The following CTNNA2 variants were observed in gnomAD, a reference collection of about 807,000 sequenced individuals.
The protein encoded by CTNNA2 is catenin alpha 2.
CTNNA2 carries 42 observed loss-of-function variants against 101.0 expected under a neutral mutation model. The observed-to-expected ratio is 0.42, with a 90% CI of 0.32 to 0.54. The LOEUF (loss-of-function observed/expected upper bound fraction) is 0.54. Among genes scored for constraint, CTNNA2 ranks in the 20% least tolerant of loss-of-function variants. The pLI is 0.14. For missense variants in CTNNA2, 871 were observed against 1,223.1 expected, an observed-to-expected ratio of 0.71 and a Z score of 4.29; for synonymous variants, 450 against 456.4, an observed-to-expected ratio of 0.99 and a Z score of 0.18.
At chr2:80,309,106 A>T (rs1270379129) in intron 7 of CTNNA2, among the ~76,000 whole-genome samples, 1 of 151,972 alleles carries the variant, frequency 6.6e-6, no homozygotes, top group Non-Finnish European at 1.5e-5. Flanking sequence ...GGAAAAAAGA[A>T]AAAAAAGAGA....
At chr2:79,688,271 G>C (rs1170024518) in intron 2 of CTNNA2, among the ~76,000 whole-genome samples, 1 of 152,004 alleles carries the variant, frequency 6.6e-6, no homozygotes. Context: ...ACGAGTGCCA[G>C]TAGAACAAAC....
chr2:79,391,749 C>CTGA (rs770880955), intron 4 of CTNNA2, among the ~76,000 whole-genome samples: 2 of 152,162 alleles, frequency 1.3e-5, no homozygotes, highest in Admixed American at 6.6e-5. Flanking sequence ...ACCCAGCAAT[C>CTGA]TGATTGTCCT....
At position 80,123,449 on chromosome 2, in the gene CTNNA2, A is replaced by G. The variant is rs1223094205; in HGVS notation, c.1056+213652A>G. Reference sequence around the variant, plus strand: ...ACATTTGAATTGTTAGTGGTGCAGAAAAAAAAAAAAAAATACTCCAGGCCT... The same window carrying G: ...ACATTTGAATTGTTAGTGGTGCAGAGAAAAAAAAAAAAATACTCCAGGCCT... On this transcript the variant is annotated intron_variant, in intron 7 of 18. Coordinates refer to ENST00000402739, the MANE Select transcript of CTNNA2 (RefSeq NM_001282597.3). Among the ~76,000 whole-genome samples the G allele has an allele frequency of 3.2e-5, 4 of 124,476 alleles. No individual in the cohort carries two copies. In the East Asian group the frequency reaches 7.0e-4, roughly 22 times the overall value. 81.7% of individuals were successfully genotyped at this position (124,476 alleles called of 152,430 possible).
chr2:79,677,035 T>TC (rs1683232915), intron 2 of CTNNA2, among the ~76,000 whole-genome samples: 1 of 152,100 alleles, frequency 6.6e-6, no homozygotes, highest in African/African-American at 2.4e-5. Context: ...GCTCAAGTGA[T>TC]CCTCCCACCT....
chr2:80,308,156 A>AT (rs140398282), intron 7 of CTNNA2, among the ~76,000 whole-genome samples: 44 of 149,766 alleles, frequency 2.9e-4, no homozygotes, highest in African/African-American at 3.9e-4. Context: ...GTAACATACA[A>AT]TTTTTTTTTT....
At chr2:79,329,699 GTC>G (rs1676827321) in intron 3 of CTNNA2, among the ~76,000 whole-genome samples, 1 of 152,112 alleles carries the variant, frequency 6.6e-6, no homozygotes, top group African/African-American at 2.4e-5. Flanking sequence ...CCTGGAGGAT[GTC>G]TCTGTGTTCT....
chr2:80,585,796 T>A (rs1007141623), intron 14 of CTNNA2, among the ~76,000 whole-genome samples: 4 of 152,342 alleles, frequency 2.6e-5, no homozygotes, highest in Non-Finnish European at 5.9e-5. Context: ...AACCTTTTTT[T>A]AAATTCCAGT....
chr2:80,247,717 C>G (rs75216345), intron 7 of CTNNA2, among the ~76,000 whole-genome samples: 2,028 of 152,248 alleles, frequency 0.013, 53 homozygotes, highest in African/African-American at 0.045. Flanking sequence ...GTCCAACTTT[C>G]AGATCCCTTC....
chr2:79,980,168 T>G (rs116051104), intron 7 of CTNNA2, among the ~76,000 whole-genome samples: 2 of 152,182 alleles, frequency 1.3e-5, no homozygotes, highest in Non-Finnish European at 1.5e-5. Flanking sequence ...TGTTCTATGA[T>G]TAAGTAAACT....
intron 3 of CTNNA2, among the ~76,000 whole-genome samples, chr2:79,346,542 A>G (rs1677268857): frequency 6.6e-6 from 1 of 152,122 alleles, no homozygotes; most frequent in Non-Finnish European, 1.5e-5. Flanking sequence ...ATGATTTTAT[A>G]CTCAGAAGTC....
chr2:80,261,389 G>A (rs1672595573), intron 7 of CTNNA2, among the ~76,000 whole-genome samples: 1 of 151,946 alleles, frequency 6.6e-6, no homozygotes. Context: ...AGGTTAGAAT[G>A]TACCTCAGAA....
chr2:80,501,654 G>A (rs1687890629), intron 9 of CTNNA2, among the ~76,000 whole-genome samples: 1 of 152,174 alleles, frequency 6.6e-6, no homozygotes, highest in South Asian at 2.1e-4. Context: ...GGGTGCAAAG[G>A]ATTTATTATG....
chr2:79,348,490 G>T (rs192655356), intron 3 of CTNNA2, among the ~76,000 whole-genome samples: 1 of 152,298 alleles, frequency 6.6e-6, no homozygotes, highest in Non-Finnish European at 1.5e-5. Flanking sequence ...GACAACCAGA[G>T]ATATTCTGGG....
At chr2:80,283,500 C>T (rs1342309491) in intron 7 of CTNNA2, among the ~76,000 whole-genome samples, 1 of 151,944 alleles carries the variant, frequency 6.6e-6, no homozygotes, top group African/African-American at 2.4e-5. Flanking sequence ...TGTGTGAGAC[C>T]TACATAAAAA....
chr2:80,477,893 C>G (rs940630110), intron 9 of CTNNA2, among the ~76,000 whole-genome samples: 2 of 152,148 alleles, frequency 1.3e-5, no homozygotes, highest in East Asian at 1.9e-4. Context: ...TTTTTACCCC[C>G]CTTTGGGTAG....
chr2:79,639,293 T>A (rs1680287341), intron 1 of CTNNA2, among the ~76,000 whole-genome samples: 1 of 152,190 alleles, frequency 6.6e-6, no homozygotes. Context: ...GTTTACCACA[T>A]CACCTAACTG....
At chr2:79,664,861 G>A (rs1420351661) in intron 2 of CTNNA2, among the ~76,000 whole-genome samples, 4 of 151,594 alleles carry the variant, frequency 2.6e-5, no homozygotes, top group Non-Finnish European at 5.9e-5. Context: ...ACAGGCGCCC[G>A]CCAACACGCC....
intron 1 of CTNNA2, among the ~76,000 whole-genome samples, chr2:79,578,107 C>T (rs1288130017): frequency 2.0e-5 from 3 of 151,980 alleles, no homozygotes; most frequent in African/African-American, 7.2e-5. Context: ...TGTAAATGAA[C>T]GAAAGCTATT....
chr2:79,719,262 A>G (rs1379987561), intron 2 of CTNNA2, among the ~76,000 whole-genome samples: 1 of 152,094 alleles, frequency 6.6e-6, no homozygotes, highest in East Asian at 1.9e-4. Context: ...TTTTATGACT[A>G]TATAATATTC....
Sources: allele counts gnomAD v4.1 joint callset (sites outside exome capture counted in the v4.1 genomes callset), GRCh38; gene constraint gnomAD v4.1.1; transcripts MANE v1.5; gene names NCBI Gene and HGNC (gene_info 2026-07-23, HGNC 2026-07-21).